Variants in LMF1 observed in about 807,000 individuals in gnomAD.
The protein encoded by LMF1 is transmembrane protein 112.
A neutral mutation model predicts 60.6 loss-of-function variants in LMF1; 68 were observed. That is an observed-to-expected ratio of 1.12 (90% confidence interval 0.92 to 1.37). The LOEUF is 1.37. Among genes scored for constraint, LMF1 ranks in the 40% most tolerant of loss-of-function variants. The pLI, the probability that LMF1 is intolerant of heterozygous loss-of-function variation, is 0.00. For missense variants in LMF1, 948 were observed against 767.2 expected (o/e 1.24, Z -2.78); for synonymous variants, 418 against 324.7 (o/e 1.29, Z -3.09).
At chr16:907,679 C>T (rs1022566635) in intron 4 of LMF1, among the ~76,000 whole-genome samples, 5 of 152,114 alleles carry the variant, frequency 3.3e-5, no homozygotes, top group African/African-American at 9.7e-5. Flanking sequence ...AGTGCGCGAG[C>T]GGGGGAAGGG....
chr16:977,087 A>G (rs1278730724), intron 1 of LMF1: 1 of 454,128 alleles, frequency 2.2e-6, no homozygotes, highest in Non-Finnish European at 4.4e-6. Flanking sequence ...CCCAGAAAGC[A>G]CTGCTCCTGC....
At chr16:884,309 C>A (rs1258162384) in intron 5 of LMF1, 1 of 152,134 alleles carries the variant, frequency 6.6e-6, no homozygotes, top group African/African-American at 2.4e-5. Flanking sequence ...TTGCTTAAAA[C>A]TCGTGATAAA....
chr16:957,845 A>C (rs1013031862), intron 1 of LMF1, among the ~76,000 whole-genome samples: 2 of 152,174 alleles, frequency 1.3e-5, no homozygotes, highest in African/African-American at 2.4e-5. Flanking sequence ...AACTACACAG[A>C]CAAAGAGCAG....
At chr16:950,618 G>C (rs1359255892) in intron 2 of LMF1, among the ~76,000 whole-genome samples, 2 of 147,560 alleles carry the variant, frequency 1.4e-5, no homozygotes, top group Non-Finnish European at 3.0e-5. Flanking sequence ...GACAGAGTTA[G>C]AGACAACGAC....
Position 854,549 on chromosome 16 carries a change from G to T in LMF1, c.1687C>A (p.Leu563Met). The T allele has an allele frequency of 6.2e-7, 1 of 1,608,504 alleles. No homozygotes were observed. ...GTGCACGTCTAGAGGGGCCCGGGCA[G>T]AGGCCACCCACGGTCCCTGAAGTAG... ...RPYFRDRGWP[L>M]PGPL The change falls in exon 11 of 11, where the codon CTG becomes ATG. Residue 563 changes from leucine to methionine, a missense_variant. Transcript: ENST00000262301.
chr16:953,164 C>T (rs1597065813), intron 2 of LMF1, among the ~76,000 whole-genome samples: 1 of 126,042 alleles, frequency 7.9e-6, no homozygotes, highest in African/African-American at 3.0e-5. Flanking sequence ...CAGCCTCCTG[C>T]ACGTCCACAC....
At chr16:854,852 T>C (rs2151673449) in intron 10 of LMF1, 146 bp from the exon 11 acceptor site, 3 of 756,574 alleles carry the variant, frequency 4.0e-6, no homozygotes, top group East Asian at 5.4e-5. Context: ...TGAGCACAGG[T>C]AGACCCCCAG....
At chr16:919,517 A>T (rs1161002508) in intron 3 of LMF1, among the ~76,000 whole-genome samples, 2 of 67,768 alleles carry the variant, frequency 3.0e-5, no homozygotes, top group African/African-American at 2.4e-4. Flanking sequence ...CAGGCCCCAC[A>T]GACAAGGGGC....
intron 1 of LMF1, among the ~76,000 whole-genome samples, chr16:959,746 C>G (rs924484009): frequency 1.2e-4 from 18 of 152,008 alleles, no homozygotes; most frequent in Non-Finnish European, 7.3e-5. Context: ...CTCGCACGTG[C>G]ACCAGGGCTG....
chr16:895,852 G>A (rs936778703), intron 4 of LMF1, among the ~76,000 whole-genome samples: 6 of 150,884 alleles, frequency 4.0e-5, no homozygotes, highest in Admixed American at 1.3e-4. Flanking sequence ...CACACGCCTC[G>A]GAGGGGTTGT....
At chr16:937,268 T>C (rs1016912098) in intron 2 of LMF1, among the ~76,000 whole-genome samples, 2 of 152,226 alleles carry the variant, frequency 1.3e-5, no homozygotes, top group Admixed American at 1.3e-4. Context: ...TTTTCAACAG[T>C]TGGAACTCAC....
At chr16:978,377 G>A (rs555744632) in intron 1 of LMF1, among the ~76,000 whole-genome samples, 3 of 151,380 alleles carry the variant, frequency 2.0e-5, no homozygotes, top group African/African-American at 7.3e-5. Context: ...GAACACACGC[G>A]CCTCCGGGGT....
intron 1 of LMF1, chr16:976,840 C>A (rs1490253782): frequency 2.2e-6 from 1 of 454,160 alleles, no homozygotes; most frequent in Non-Finnish European, 4.4e-6. Flanking sequence ...TCCCTGAATC[C>A]TTTCCACATG....
At chr16:887,689 G>A (rs945967097) in intron 5 of LMF1, among the ~76,000 whole-genome samples, 3 of 152,178 alleles carry the variant, frequency 2.0e-5, no homozygotes, top group Non-Finnish European at 4.4e-5. Flanking sequence ...AGCATGAATG[G>A]CCTCTAGCCT....
intron 3 of LMF1, 140 bp from the exon 4 acceptor site, chr16:911,219 A>G (rs958275806): frequency 2.0e-6 from 2 of 979,312 alleles, no homozygotes; most frequent in Non-Finnish European, 3.2e-6. Context: ...GCCCGCACGT[A>G]TTAGTCTCAA....
At chr16:877,208 C>T (rs1445376234) in intron 6 of LMF1, among the ~76,000 whole-genome samples, 1 of 152,182 alleles carries the variant, frequency 6.6e-6, no homozygotes, top group East Asian at 1.9e-4. Flanking sequence ...CACCTGTAGT[C>T]CCGGCTACTT....
intron 2 of LMF1, among the ~76,000 whole-genome samples, chr16:940,405 C>T (rs1597038264): frequency 6.6e-6 from 1 of 152,102 alleles, no homozygotes; most frequent in East Asian, 1.9e-4. Context: ...CCACCGGGGA[C>T]CAGCATATCA....
intron 10 of LMF1, among the ~76,000 whole-genome samples, chr16:857,658 T>C (rs369325520): frequency 7.9e-5 from 1 of 12,622 alleles, no homozygotes; most frequent in Middle Eastern, 0.031. Context: ...GGGACGGGTG[T>C]GAGTGGTGTC....
intron 5 of LMF1, among the ~76,000 whole-genome samples, chr16:892,504 G>A (rs938780536): frequency 4.6e-5 from 7 of 152,360 alleles, no homozygotes; most frequent in Admixed American, 6.5e-5. Context: ...GAACTGGGGC[G>A]TCTGAAGGGA....
Sources: gnomAD v4.1 joint callset for allele counts (sites outside exome capture counted in the v4.1 genomes callset) on GRCh38, gnomAD v4.1.1 for gene constraint, MANE v1.5 for transcripts, NCBI Gene and HGNC (gene_info 2026-07-23, HGNC 2026-07-21) for gene names.